ALG12: variants seen among roughly 807,000 people sequenced by gnomAD.
The protein encoded by ALG12 is dol-P-Man:Man(7)GlcNAc(2)-PP-Dol alpha-1,6-mannosyltransferase.
Under a neutral mutation model 46.0 loss-of-function variants are expected in ALG12, and 36 were observed. The ratio of observed to expected loss-of-function variants is 0.78; its 90% CI spans 0.60 to 1.03. ALG12 has a LOEUF of 1.03. Ranked by LOEUF, ALG12 falls within the 50% of genes least tolerant of loss-of-function variation. The pLI is 0.00. For synonymous variants in ALG12, 326 were observed against 291.6 expected (o/e 1.12, Z -1.20); for missense variants, 599 against 633.5 (o/e 0.95, Z 0.58).
At position 49,903,957 on chromosome 22, in the gene ALG12, C is replaced by T. The variant is rs952970258; in HGVS notation, c.1348G>A (p.Val450Ile). Reference sequence around the variant, plus strand: ...GTGGTCCCCACGACGCTGGCCAGGACCCGGTGTGTGTCCCTGTAGAGGGCC... The same window carrying T: ...GTGGTCCCCACGACGCTGGCCAGGATCCGGTGTGTGTCCCTGTAGAGGGCC... ...LLALYRDTHR[V>I]LASVVGTTGV... Residue 450 changes from valine to isoleucine, a missense_variant, in exon 10 of 10, where the codon GTC becomes ATC. Transcript: ENST00000330817. 6.2e-7 allele frequency: 1 copy of T among 1,614,072 alleles called. No individual in the cohort carries two copies. Among genetic ancestry groups the T allele is most frequent in the African/African-American group, 1.3e-5 (1 of 74,930 alleles).
At chr22:49,899,484 A>G (rs2060495421), downstream of ALG12, among the ~76,000 whole-genome samples, 1 of 152,010 alleles carries the variant, frequency 6.6e-6, no homozygotes, top group South Asian at 2.1e-4. Context: ...TCTCAAAAAA[A>G]AAAAAAAATG....
Position 49,904,062 on chromosome 22 carries a change from C to G in ALG12, c.1243G>C (p.Asp415His). 5 of 1,614,136 alleles carry G rather than the reference C, an allele frequency of 3.1e-6. No individual in the cohort carries two copies. The highest frequency in any genetic ancestry group is 4.2e-6 in the Non-Finnish European group (5 of 1,180,004). The part of the protein sequence containing the change: ...FLQVNSAWRY[D>H]KREDVQPGTG... Reference sequence around the variant, plus strand: ...CCCGGCTGCACATCCTCCCTCTTGTCGTACCTGTGGGATGAGAGCTGGTGG... The same window carrying G: ...CCCGGCTGCACATCCTCCCTCTTGTGGTACCTGTGGGATGAGAGCTGGTGG... The change falls in exon 10 of 10, where the codon GAC (aspartate) becomes CAC (histidine). Residue 415 changes from aspartate to histidine, a missense_variant. Transcript: ENST00000330817.
the ALG12 span, chr22:49,886,435 G>C: frequency 6.3e-7 from 1 of 1,583,826 alleles, no homozygotes; most frequent in East Asian, 2.2e-5. This position sits in a 1 kb window ranked among gnomAD's most constrained non-coding sequence, Gnocchi z 7.7. Flanking sequence ...GATCAGCTGC[G>C]ACCAGTGGGA....
chr22:49,872,632 C>T, the ALG12 span, among the ~76,000 whole-genome samples: 7 of 152,226 alleles, frequency 4.6e-5, no homozygotes, highest in East Asian at 1.9e-4. Context: ...TGGTCTCAAG[C>T]GAACCTCCCG....
chr22:49,906,082 A>G lies in ALG12; in HGVS notation c.993-1576T>C, dbSNP rs1317873742. Among the ~76,000 whole-genome samples the G allele has an allele frequency of 2.0e-5, 3 of 151,786 alleles. No homozygotes were observed. Among genetic ancestry groups the G allele is most frequent in the African/African-American group, 4.8e-5 (2 of 41,298 alleles). ...CGGAGGGGGCCTTGCTCTACCCTGC[A>G]CCCCCTCATTTGGACTCCCCAAGTT... On this transcript the variant is annotated intron_variant, in intron 7 of 9. Transcript: ENST00000330817. The surrounding 1 kb of genome is among the most constrained non-coding windows in gnomAD (Gnocchi z 4.4).
the ALG12 span, chr22:49,883,489 G>C: frequency 1.2e-6 from 1 of 867,148 alleles, no homozygotes; most frequent in South Asian, 2.4e-5. Context: ...GTAAGACCAT[G>C]AGTCACAGAT....
chr22:49,910,758 G>A, intron 3 of ALG12, 151 bp from the exon 4 acceptor site: 1 of 918,654 alleles, frequency 1.1e-6, no homozygotes, highest in Non-Finnish European at 1.7e-6. Context: ...AAGCAGCCTT[G>A]AGGGCATCGT....
chr22:49,875,091 A>AT, the ALG12 span, among the ~76,000 whole-genome samples: 3 of 151,648 alleles, frequency 2.0e-5, no homozygotes, highest in Admixed American at 6.6e-5. Flanking sequence ...TTTGTTAAGG[A>AT]TTTTTTTTCT....
In ALG12 at chr22:49,913,527, G is replaced by A. The variant is rs769107471; in HGVS notation, c.163-10C>T. On this transcript the variant is annotated splice_polypyrimidine_tract_variant and intron_variant, in intron 2 of 9. Transcript: ENST00000330817. ...ACTCAAGATGGTCGTACTGCGAGGAGAAGGGCAGGTCAGTGCACCGGGGCC... is the reference window on the plus strand; with the variant it reads ...ACTCAAGATGGTCGTACTGCGAGGAAAAGGGCAGGTCAGTGCACCGGGGCC... 7 of 1,613,862 alleles carry A rather than the reference G, an allele frequency of 4.3e-6. No homozygotes were observed. The highest frequency in any genetic ancestry group is 4.5e-5 in the East Asian group (2 of 44,904).
chr22:49,867,766 C>A, the ALG12 span, among the ~76,000 whole-genome samples: 1 of 152,196 alleles, frequency 6.6e-6, no homozygotes, highest in African/African-American at 2.4e-5. Context: ...GGGCTTCCAT[C>A]CTGATACACC....
the ALG12 span, chr22:49,885,227 ACT>A: frequency 6.2e-7 from 1 of 1,612,616 alleles, no homozygotes; most frequent in Non-Finnish European, 8.5e-7. Flanking sequence ...AGTCTGGCAA[ACT>A]CTCCGTATGC....
the ALG12 span, chr22:49,885,530 C>T: frequency 1.9e-6 from 3 of 1,608,048 alleles, no homozygotes; most frequent in Non-Finnish European, 2.6e-6. Flanking sequence ...GCTCGGCCCT[C>T]CTCTCCGGAC....
the ALG12 span, among the ~76,000 whole-genome samples, chr22:49,879,521 T>C: frequency 2.0e-5 from 3 of 151,662 alleles, no homozygotes; most frequent in Non-Finnish European, 2.9e-5. Context: ...TTCATGTCCT[T>C]GTCCACTAAT....
rs568867077 is a variant in ALG12 at position 49,905,030 on chromosome 22, G to A, written c.993-524C>T. Reference sequence around the variant, plus strand: ...TGAGATTACAGGCATGAGCCACTGCGCCCAGCCTAAAAATATATTTTCAAA... The same window carrying A: ...TGAGATTACAGGCATGAGCCACTGCACCCAGCCTAAAAATATATTTTCAAA... On this transcript the variant is annotated intron_variant, in intron 7 of 9. Coordinates refer to ENST00000330817, the MANE Select transcript of ALG12 (RefSeq NM_024105.4). The surrounding 1 kb of genome is among the most constrained non-coding windows in gnomAD (Gnocchi z 4.9). 6.6e-6 allele frequency among the ~76,000 whole-genome samples: 1 copy of A among 152,218 alleles called. No individual in the cohort carries two copies. The highest frequency in any genetic ancestry group is 1.9e-4 in the East Asian group (1 of 5,168).
rs191709793 is a variant in ALG12 at position 49,912,612 on chromosome 22, C to T, written c.295+773G>A. ...GAACGTGCTACTTCTTAAAGCTCTC[C>T]ACACAAGCTGGACTGACTCGCTGGA... On this transcript the variant is annotated intron_variant, in intron 3 of 9. Coordinates refer to ENST00000330817, the MANE Select transcript of ALG12 (RefSeq NM_024105.4). Among the ~76,000 whole-genome samples, 31 of 152,332 alleles carry T rather than the reference C, an allele frequency of 2.0e-4. No individual in the cohort carries two copies. The East Asian group carries it at 4.0e-3, about 20-fold the overall frequency.
chr22:49,895,410 G>A (rs1042914924), downstream of ALG12, among the ~76,000 whole-genome samples: 1 of 152,076 alleles, frequency 6.6e-6, no homozygotes, highest in African/African-American at 2.4e-5. Flanking sequence ...CCAGCACTTT[G>A]GGAGGCCGAG....
chr22:49,917,506 A>G (rs1354982168), intron 1 of ALG12, among the ~76,000 whole-genome samples: 1 of 152,136 alleles, frequency 6.6e-6, no homozygotes, highest in African/African-American at 2.4e-5. Context: ...CCCCGTCTCT[A>G]CTAAAAATAC....
At chr22:49,886,543 G>A in the ALG12 span, 8 of 1,566,490 alleles carry the variant, frequency 5.1e-6, no homozygotes, top group Non-Finnish European at 6.9e-6. The surrounding 1 kb of genome is among the most constrained non-coding windows in gnomAD (Gnocchi z 7.7). Context: ...CATCCCCATG[G>A]TACACATCCT....
chr22:49,877,940 G>A, the ALG12 span, among the ~76,000 whole-genome samples: 5 of 152,214 alleles, frequency 3.3e-5, no homozygotes, highest in Middle Eastern at 0.01. Flanking sequence ...ATCCATTGTA[G>A]GGCTGTATCA....
Sources: gnomAD v4.1 joint callset for allele counts (sites outside exome capture counted in the v4.1 genomes callset) on GRCh38, gnomAD v4.1.1 for gene constraint, Gnocchi (gnomAD v3.1) non-coding constraint, MANE v1.5 for transcripts, NCBI Gene and HGNC (gene_info 2026-07-23, HGNC 2026-07-21) for gene names.